SLC14A2: variants seen among roughly 807,000 people sequenced by gnomAD.
SLC14A2 encodes the protein urea transporter 2.
SLC14A2 carries 91 observed loss-of-function variants against 104.6 expected under a neutral mutation model. The observed-to-expected ratio is 0.87, with a 90% CI of 0.73 to 1.04. The LOEUF is 1.04. SLC14A2 is among the 50% of genes least tolerant of loss of function. SLC14A2 has a pLI of 0.00. For synonymous variants in SLC14A2, 476 were observed against 466.4 expected, an observed-to-expected ratio of 1.02 and a Z score of -0.27; for missense variants, 1,189 against 1,156.0, an observed-to-expected ratio of 1.03 and a Z score of -0.41.
intron 2 of SLC14A2, among the ~76,000 whole-genome samples, chr18:45,532,078 G>A (rs554006868): frequency 2.0e-5 from 3 of 152,288 alleles, no homozygotes; most frequent in South Asian, 4.1e-4. Context: ...TTTGGTAGGA[G>A]TACCATGCTG....
At chr18:45,229,222 G>C (rs11082432) in intron 1 of SLC14A2, among the ~76,000 whole-genome samples, 1 of 152,052 alleles carries the variant, frequency 6.6e-6, no homozygotes, top group Non-Finnish European at 1.5e-5. Context: ...TGCTGATTTA[G>C]GTTCTGTAGT....
intron 2 of SLC14A2, among the ~76,000 whole-genome samples, chr18:45,486,050 C>T (rs981091400): frequency 6.6e-6 from 1 of 152,172 alleles, no homozygotes; most frequent in African/African-American, 2.4e-5. Flanking sequence ...ACTTGAGGCT[C>T]AAATCAGTGA....
chr18:45,345,261 A>G (rs567925789), intron 1 of SLC14A2, among the ~76,000 whole-genome samples: 1 of 152,334 alleles, frequency 6.6e-6, no homozygotes, highest in South Asian at 2.1e-4. Context: ...TTCTACAAAG[A>G]AGGGGAGAAT....
At chr18:45,237,040 T>G (rs1480920238) in intron 1 of SLC14A2, among the ~76,000 whole-genome samples, 1 of 152,032 alleles carries the variant, frequency 6.6e-6, no homozygotes, top group African/African-American at 2.4e-5. Context: ...AGGTCACAAG[T>G]GAGGAGACCC....
chr18:45,666,920 C>G lies in SLC14A2; in HGVS notation c.1558-15C>G. The G allele has an allele frequency of 6.2e-7, 1 of 1,611,838 alleles. No individual in the cohort carries two copies. Among genetic ancestry groups the G allele is most frequent in the Non-Finnish European group, 8.5e-7 (1 of 1,178,326 alleles). On this transcript the variant is annotated splice_polypyrimidine_tract_variant and intron_variant, in intron 12 of 19. Transcript: ENST00000255226. ...CCGAATGTGGGAGACTCTTGCCTATCTCTGTCCTGGACAGGATCTGGACAC... is the reference window on the plus strand; with the variant it reads ...CCGAATGTGGGAGACTCTTGCCTATGTCTGTCCTGGACAGGATCTGGACAC...
intron 2 of SLC14A2, among the ~76,000 whole-genome samples, chr18:45,510,663 T>C (rs2043353736): frequency 6.7e-6 from 1 of 150,004 alleles, no homozygotes; most frequent in South Asian, 2.1e-4. Flanking sequence ...CATACTTGGG[T>C]TTCTACCCAC....
At chr18:45,344,206 A>T (rs1053150138) in intron 1 of SLC14A2, among the ~76,000 whole-genome samples, 10 of 152,166 alleles carry the variant, frequency 6.6e-5, no homozygotes, top group African/African-American at 2.4e-4. Flanking sequence ...TGATCTATTC[A>T]TTGGGGGACT....
chr18:45,382,735 T>G (rs759235894), intron 1 of SLC14A2, among the ~76,000 whole-genome samples: 4 of 152,222 alleles, frequency 2.6e-5, no homozygotes, highest in African/African-American at 4.8e-5. Flanking sequence ...GCTAAATACT[T>G]CTAATTGACA....
chr18:45,187,018 G>A, the SLC14A2 span, among the ~76,000 whole-genome samples: 3 of 152,108 alleles, frequency 2.0e-5, no homozygotes, highest in Admixed American at 2.0e-4. Flanking sequence ...GTCACTGTGG[G>A]GAAGCCATTA....
At chr18:45,541,381 C>G (rs1280380884) in intron 2 of SLC14A2, among the ~76,000 whole-genome samples, 1 of 152,240 alleles carries the variant, frequency 6.6e-6, no homozygotes, top group African/African-American at 2.4e-5. Flanking sequence ...TCTGGCCAGC[C>G]TAGAGACAGG....
intron 1 of SLC14A2, among the ~76,000 whole-genome samples, chr18:45,271,751 T>C (rs1273580251): frequency 6.6e-6 from 1 of 152,020 alleles, no homozygotes; most frequent in Non-Finnish European, 1.5e-5. Flanking sequence ...TTCAATGCAA[T>C]CCCTATCAAA....
intron 1 of SLC14A2, among the ~76,000 whole-genome samples, chr18:45,420,003 T>C (rs990727879): frequency 6.6e-6 from 1 of 152,194 alleles, no homozygotes; most frequent in African/African-American, 2.4e-5. Context: ...ACAATAGTCA[T>C]TTAATATTTC....
intron 9 of SLC14A2, 102 bp downstream of exon 9, chr18:45,643,283 G>C: frequency 9.9e-7 from 1 of 1,009,046 alleles, no homozygotes; most frequent in Non-Finnish European, 1.6e-6. Flanking sequence ...AGCGGGTAAT[G>C]GTAGCTGGTG....
At chr18:45,361,049 G>C (rs2085605421) in intron 1 of SLC14A2, among the ~76,000 whole-genome samples, 1 of 152,052 alleles carries the variant, frequency 6.6e-6, no homozygotes, top group Non-Finnish European at 1.5e-5. Context: ...GTCAGTTCTT[G>C]TTCTCTTCCC....
At chr18:45,204,450 G>A in the SLC14A2 span, among the ~76,000 whole-genome samples, 1 of 152,206 alleles carries the variant, frequency 6.6e-6, no homozygotes, top group Non-Finnish European at 1.5e-5. Context: ...TGGTCTGATG[G>A]AGAGTTGGTA....
At chr18:45,575,213 G>A (rs1037005341) in intron 2 of SLC14A2, among the ~76,000 whole-genome samples, 4 of 152,138 alleles carry the variant, frequency 2.6e-5, no homozygotes, top group Non-Finnish European at 5.9e-5. Flanking sequence ...CTGGGACAGA[G>A]GGTGATTCAG....
chr18:45,279,527 A>G (rs756162529), intron 1 of SLC14A2, among the ~76,000 whole-genome samples: 1 of 151,856 alleles, frequency 6.6e-6, no homozygotes, highest in African/African-American at 2.4e-5. Context: ...ATCTACTACT[A>G]TTGGGTTTTG....
At chr18:45,267,442 C>A (rs552359045) in intron 1 of SLC14A2, among the ~76,000 whole-genome samples, 83 of 152,260 alleles carry the variant, frequency 5.5e-4, no homozygotes, top group Non-Finnish European at 1.0e-3. Flanking sequence ...TGCTGTCAAC[C>A]CTTTTAGACT....
chr18:45,490,967 T>C (rs763856362), intron 2 of SLC14A2, among the ~76,000 whole-genome samples: 24 of 152,342 alleles, frequency 1.6e-4, no homozygotes, highest in East Asian at 5.8e-4. Flanking sequence ...GGTTCAGCAA[T>C]GCCAAGTTTT....
Sources: allele counts gnomAD v4.1 joint callset (sites outside exome capture counted in the v4.1 genomes callset), GRCh38; gene constraint gnomAD v4.1.1; transcripts MANE v1.5; gene names NCBI Gene and HGNC (gene_info 2026-07-23, HGNC 2026-07-21).